The following NUP42 variants were observed in gnomAD, a reference collection of about 807,000 sequenced individuals.
NUP42 encodes the protein nucleoporin NUP42.
A neutral mutation model predicts 35.9 loss-of-function variants in NUP42; 47 were observed. The ratio of observed to expected loss-of-function variants is 1.31; its 90% confidence interval spans 1.04 to 1.67. The LOEUF (loss-of-function observed/expected upper bound fraction) is 1.67. Ranked by LOEUF, NUP42 falls within the 40% of genes most tolerant of loss-of-function variation. NUP42 has a pLI of 0.00. For missense variants in NUP42, 514 were observed against 492.2 expected (o/e 1.04, Z -0.42); for synonymous variants, 173 against 173.3 (o/e 1.00, Z 0.01).
rs184413586 is a variant in NUP42 at position 23,185,612 on chromosome 7, C to A, written c.350+314C>A. Among the ~76,000 whole-genome samples the A allele has an allele frequency of 7.9e-4, 121 of 152,272 alleles. 1 individual carries two copies. Among genetic ancestry groups the A allele is most frequent in the African/African-American group, 2.8e-3 (118 of 41,544 alleles). On this transcript the variant is annotated intron_variant, in intron 2 of 6. Coordinates refer to ENST00000258742, the MANE Select transcript of NUP42 (RefSeq NM_007342.3). Reference sequence around the variant, plus strand: ...CTTTTTCCACTTTGTGTTGATAACACTATATTGTGAATATCTTTCTAAGAT... The same window carrying A: ...CTTTTTCCACTTTGTGTTGATAACAATATATTGTGAATATCTTTCTAAGAT...
At chr7:23,191,246 T>C (rs945125692) in intron 3 of NUP42, among the ~76,000 whole-genome samples, 4 of 152,144 alleles carry the variant, frequency 2.6e-5, no homozygotes, top group African/African-American at 9.7e-5. Flanking sequence ...TGAAGAACTT[T>C]AAGCAAAAGA....
At chr7:23,185,544 C>G (rs975821607) in intron 2 of NUP42, among the ~76,000 whole-genome samples, 2 of 152,122 alleles carry the variant, frequency 1.3e-5, no homozygotes, top group African/African-American at 4.8e-5. Context: ...AAAAATATAT[C>G]ATCTTTCTAT....
intron 5 of NUP42, among the ~76,000 whole-genome samples, chr7:23,197,636 A>G (rs1786057910): frequency 6.6e-6 from 1 of 152,160 alleles, no homozygotes; most frequent in Non-Finnish European, 1.5e-5. Flanking sequence ...AACTTCCCTC[A>G]GGGCTGGAAG....
intron 3 of NUP42, among the ~76,000 whole-genome samples, chr7:23,193,691 C>G (rs1190863716): frequency 6.6e-6 from 1 of 152,232 alleles, no homozygotes; most frequent in Non-Finnish European, 1.5e-5. Context: ...ACACCAGGGC[C>G]ACAGGTGGAG....
At chr7:23,183,994 T>C (rs1197553161) in intron 1 of NUP42, among the ~76,000 whole-genome samples, 1 of 151,864 alleles carries the variant, frequency 6.6e-6, no homozygotes, top group African/African-American at 2.4e-5. Context: ...TATCTCTTTA[T>C]TCAGTCAGAA....
intron 5 of NUP42, 84 bp downstream of exon 5, chr7:23,196,850 A>G: frequency 1.1e-6 from 1 of 931,662 alleles, no homozygotes; most frequent in Non-Finnish European, 1.7e-6. Flanking sequence ...TTTGGAAAGC[A>G]AAACAAAAAT....
chr7:23,194,475 C>T (rs1562608920), intron 3 of NUP42: 1 of 151,756 alleles, frequency 6.6e-6, no homozygotes, highest in Non-Finnish European at 1.5e-5. Flanking sequence ...ATTCTCCAGT[C>T]TCAGTCTCCC....
At chr7:23,187,555 A>G (rs901393743) in intron 3 of NUP42, among the ~76,000 whole-genome samples, 3 of 148,598 alleles carry the variant, frequency 2.0e-5, no homozygotes, top group African/African-American at 7.5e-5. Context: ...TCTGGAGATA[A>G]TGTTTAAATG....
chr7:23,184,978 C>G (rs544558581), intron 1 of NUP42, 92 bp from the exon 2 acceptor site: 6 of 1,077,290 alleles, frequency 5.6e-6, no homozygotes, highest in African/African-American at 1.6e-5. Flanking sequence ...TGTACTCCAC[C>G]CTGGGCAAAA....
intron 3 of NUP42, chr7:23,187,349 T>G (rs2128472873): frequency 2.4e-6 from 1 of 413,764 alleles, no homozygotes; most frequent in Non-Finnish European, 4.3e-6. Flanking sequence ...AGACATATAG[T>G]TCTTGGGAGA....
chr7:23,194,665 T>C, intron 3 of NUP42: 1 of 173,088 alleles, frequency 5.8e-6, no homozygotes, highest in Non-Finnish European at 1.2e-5. Context: ...CCGGCTGTAA[T>C]CCAGTTTTTT....
At chr7:23,191,931 TG>T (rs1170435079) in intron 3 of NUP42, among the ~76,000 whole-genome samples, 1 of 152,174 alleles carries the variant, frequency 6.6e-6, no homozygotes. Context: ...CACTCCAGCC[TG>T]GGTGACAGGA....
At chr7:23,184,819 A>C (rs1223384569) in intron 1 of NUP42, among the ~76,000 whole-genome samples, 1 of 152,160 alleles carries the variant, frequency 6.6e-6, no homozygotes, top group East Asian at 1.9e-4. Context: ...AACCCCGGGC[A>C]ATATGGCAAG....
rs60397960 is a variant in NUP42, at chr7:23,182,742, C to CAAAAAAA, written c.121+553_121+559dup. Among the ~76,000 whole-genome samples, 88 of 74,132 alleles carry CAAAAAAA rather than the reference C, an allele frequency of 1.2e-3. 1 individual carries two copies. The highest frequency in any genetic ancestry group is 5.0e-3 in the African/African-American group (85 of 16,970). The allele number at this position is 74,132 out of a possible 152,430, so 48.6% of individuals were successfully genotyped here. On this transcript the variant is annotated intron_variant, in intron 1 of 6. Transcript: ENST00000258742. ...GAAACACCGTCTTTACTAAAAATAC[C>CAAAAAAA]AAAAAAAAAAAAAAAAAAAAAAATA...
At chr7:23,182,727 C>G (rs951099133) in intron 1 of NUP42, among the ~76,000 whole-genome samples, 2 of 89,710 alleles carry the variant, frequency 2.2e-5, no homozygotes, top group African/African-American at 9.9e-5. Flanking sequence ...GAAACACCGT[C>G]TTTACTAAAA....
In NUP42 at chr7:23,182,080, G is replaced by C; in HGVS notation, c.-6G>C. On this transcript the variant is annotated 5_prime_UTR_variant, in exon 1 of 7. Transcript: ENST00000258742. Reference sequence around the variant, plus strand: ...GAAGACGCCCTCCGTCAGCGACGCCGTCGCAATGGCCATTTGTCAATTCTT... The same window carrying C: ...GAAGACGCCCTCCGTCAGCGACGCCCTCGCAATGGCCATTTGTCAATTCTT... 1 of 1,613,684 alleles carries C rather than the reference G, an allele frequency of 6.2e-7. No homozygotes were observed. Among genetic ancestry groups the C allele is most frequent in the Non-Finnish European group, 8.5e-7 (1 of 1,180,016 alleles).
chr7:23,185,963 CTCTTG>C (rs749413141), intron 2 of NUP42, among the ~76,000 whole-genome samples: 7,015 of 152,258 alleles, frequency 0.046, 234 homozygotes, highest in Non-Finnish European at 0.07. Flanking sequence ...TGGTCTTGAA[CTCTTG>C]ACCTCAAGTG....
chr7:23,198,992 G>A (rs1338773133), intron 5 of NUP42, among the ~76,000 whole-genome samples: 4 of 152,048 alleles, frequency 2.6e-5, no homozygotes, highest in Non-Finnish European at 5.9e-5. Flanking sequence ...CATTTTTTAT[G>A]CATATTCATA....
At position 23,185,056 on chromosome 7, in the gene NUP42, ATTGT is replaced by A; in HGVS notation, c.122-11_122-8del. 3 of 1,581,982 alleles carry A rather than the reference ATTGT, an allele frequency of 1.9e-6. No individual in the cohort carries two copies. The highest frequency in any genetic ancestry group is 2.6e-6 in the Non-Finnish European group (3 of 1,162,340). ...GTTGCTAGTAAAATTATTTTGTTTT[ATTGT>A]TTATTTTAGGTAATAATAGACGTGG... On this transcript the variant is annotated splice_polypyrimidine_tract_variant and intron_variant, in intron 1 of 6. Transcript: ENST00000258742.
Sources: allele counts gnomAD v4.1 joint callset (sites outside exome capture counted in the v4.1 genomes callset), GRCh38; gene constraint gnomAD v4.1.1; transcripts MANE v1.5; gene names NCBI Gene and HGNC (gene_info 2026-07-23, HGNC 2026-07-21).